The following B3GAT2 variants were observed in gnomAD, a reference collection of about 807,000 sequenced individuals.
B3GAT2 encodes the protein beta-1,3-glucuronyltransferase 2.
B3GAT2 carries 26 observed loss-of-function variants against 27.8 expected under a neutral mutation model. That is an observed-to-expected ratio of 0.93 (90% CI 0.68 to 1.30). B3GAT2 has a LOEUF of 1.30. Ranked by LOEUF, B3GAT2 falls within the 50% of genes most tolerant of loss-of-function variation. The pLI is 0.00. For synonymous variants in B3GAT2, 218 were observed against 195.1 expected (o/e 1.12, Z -0.98); for missense variants, 458 against 459.0 (o/e 1.00, Z 0.02).
In B3GAT2 at chr6:70,897,676, T is replaced by A. The variant is rs796869101; in HGVS notation, c.592-3404A>T. 8.8e-3 allele frequency among the ~76,000 whole-genome samples: 1,310 copies of A among 148,522 alleles called. 21 individuals are homozygous for A. Among genetic ancestry groups the A allele is most frequent in the East Asian group, 0.06 (298 of 4,974 alleles). The stretch of plus-strand genomic sequence containing the variant: ...ACTGCTTGAAAAAAAAAAAAATATA[T>A]ATATATATATATATTTGCCTAATTC... On this transcript the variant is annotated intron_variant, in intron 1 of 3. Transcript: ENST00000230053.
At chr6:70,897,128 C>A (rs1001897586) in intron 1 of B3GAT2, among the ~76,000 whole-genome samples, 2 of 151,926 alleles carry the variant, frequency 1.3e-5, no homozygotes, top group Non-Finnish European at 2.9e-5. Flanking sequence ...TAGTGGTATC[C>A]CATTATAGTT....
In B3GAT2 at chr6:70,858,285, A is replaced by ATT; in HGVS notation, c.*3377_*3378insAA. 2.0e-6 allele frequency: 2 copies of ATT among 1,019,704 alleles called. No individual in the cohort carries two copies. The highest frequency in any genetic ancestry group is 2.1e-5 in the South Asian group (1 of 47,898). 63.2% of individuals were successfully genotyped at this position (1,019,704 alleles called of 1,614,324 possible). A position where few individuals can be genotyped will look rare whatever the true frequency, so the allele number is the denominator to read the frequency against. ...AAATCAAACCAGATTTATTTTCTAAATCTTTTTTTTTTTTTTTTTTTTTTT... is the reference window on the plus strand; with the variant it reads ...AAATCAAACCAGATTTATTTTCTAAATTTCTTTTTTTTTTTTTTTTTTTTTTT... On this transcript the variant is annotated 3_prime_UTR_variant, in exon 4 of 4. Transcript: ENST00000230053.
intron 1 of B3GAT2, among the ~76,000 whole-genome samples, chr6:70,951,780 C>T (rs1178142108): frequency 6.6e-6 from 1 of 152,050 alleles, no homozygotes; most frequent in Non-Finnish European, 1.5e-5. Context: ...AAAATTCTCA[C>T]ATTTTATCAG....
At chr6:70,881,107 A>T (rs1041691194) in intron 2 of B3GAT2, among the ~76,000 whole-genome samples, 1 of 152,076 alleles carries the variant, frequency 6.6e-6, no homozygotes, top group Non-Finnish European at 1.5e-5. Flanking sequence ...GAATTCCTGG[A>T]GGATTCTTCC....
At chr6:70,882,388 C>A (rs1261810578) in intron 2 of B3GAT2, among the ~76,000 whole-genome samples, 2 of 152,132 alleles carry the variant, frequency 1.3e-5, no homozygotes, top group African/African-American at 4.8e-5. Flanking sequence ...GTAGTCCCAG[C>A]TACTCAGGAG....
rs1441764337 is a variant in B3GAT2, at chr6:70,955,947, G to A, written c.483C>T (p.Asn161=). ...PGLPRATEQR[N]AGLAWLRQRH... is the part of the protein sequence containing the mutation. Reference sequence around the variant, plus strand: ...TCTGGCGCAGCCAGGCGAGGCCCGCGTTGCGCTGCTCAGTGGCGCGCGGCA... The same window carrying A: ...TCTGGCGCAGCCAGGCGAGGCCCGCATTGCGCTGCTCAGTGGCGCGCGGCA... Residue 161 remains asparagine (N), a synonymous_variant, in exon 1 of 4, where the codon AAC becomes AAT. Coordinates refer to ENST00000230053, the MANE Select transcript of B3GAT2 (RefSeq NM_080742.3). 2 of 1,572,540 alleles carry A rather than the reference G, an allele frequency of 1.3e-6. No individual in the cohort carries two copies. Among genetic ancestry groups the A allele is most frequent in the Admixed American group, 1.8e-5 (1 of 54,808 alleles).
At chr6:70,898,866 GGC>G (rs1289607867) in intron 1 of B3GAT2, among the ~76,000 whole-genome samples, 1 of 152,150 alleles carries the variant, frequency 6.6e-6, no homozygotes, top group East Asian at 1.9e-4. Flanking sequence ...GGGAGGCTGA[GGC>G]GGGAGGATTG....
chr6:70,878,477 C>T (rs993351727), intron 2 of B3GAT2, among the ~76,000 whole-genome samples: 2 of 152,186 alleles, frequency 1.3e-5, no homozygotes, highest in Non-Finnish European at 2.9e-5. Context: ...CACTCCTGCT[C>T]TTTTGTTGTC....
intron 2 of B3GAT2, among the ~76,000 whole-genome samples, chr6:70,892,328 G>A (rs1772303439): frequency 6.6e-6 from 1 of 152,058 alleles, no homozygotes; most frequent in South Asian, 2.1e-4. Flanking sequence ...AAATTCTAGG[G>A]GAACCAATGC....
Position 70,860,333 on chromosome 6 carries a change from G to T in B3GAT2, c.*1330C>A. On this transcript the variant is annotated 3_prime_UTR_variant, in exon 4 of 4. Coordinates refer to ENST00000230053, the MANE Select transcript of B3GAT2 (RefSeq NM_080742.3). ...ACTCTCAGCACACAACTGTGGAAAT[G>T]AAAACTGCAATACAAGTTTCATCCA... 1 of 1,604,722 alleles carries T rather than the reference G, an allele frequency of 6.2e-7. No homozygotes were observed.
chr6:70,919,057 C>T (rs1187418196), intron 1 of B3GAT2, among the ~76,000 whole-genome samples: 2 of 152,188 alleles, frequency 1.3e-5, no homozygotes, highest in Admixed American at 6.5e-5. Context: ...TTGGTCTTTT[C>T]ACATAGTCCC....
chr6:70,930,814 C>T (rs2150045753), intron 1 of B3GAT2, among the ~76,000 whole-genome samples: 1 of 152,238 alleles, frequency 6.6e-6, no homozygotes, highest in South Asian at 2.1e-4. Context: ...TACCATTTGA[C>T]CCAGCCATCC....
At chr6:70,953,431 GC>G (rs1203040602) in intron 1 of B3GAT2, among the ~76,000 whole-genome samples, 1 of 152,166 alleles carries the variant, frequency 6.6e-6, no homozygotes, top group African/African-American at 2.4e-5. Flanking sequence ...AATAATGTTT[GC>G]CATGCATGGA....
intron 1 of B3GAT2, among the ~76,000 whole-genome samples, chr6:70,898,520 T>C (rs1458002016): frequency 6.6e-6 from 1 of 152,192 alleles, no homozygotes; most frequent in Non-Finnish European, 1.5e-5. Flanking sequence ...TTAAACCTAA[T>C]ACATACTTTT....
chr6:70,902,200 A>G (rs1435729333), intron 1 of B3GAT2, among the ~76,000 whole-genome samples: 2 of 152,192 alleles, frequency 1.3e-5, no homozygotes, highest in Admixed American at 1.3e-4. Flanking sequence ...GATAAATGGA[A>G]GAGACTAGAG....
chr6:70,912,783 T>C (rs1741826), intron 1 of B3GAT2, among the ~76,000 whole-genome samples: 116,451 of 152,030 alleles, frequency 0.77, 45,577 homozygotes, highest in African/African-American at 0.93. Context: ...AGAATTTGGT[T>C]GTGGATCCAT....
In B3GAT2 at chr6:70,956,093, A is replaced by G. The variant is rs762810318; in HGVS notation, c.337T>C (p.Trp113Arg). ...NTFRQVAQLH[W>R]ILVEDAAARS... ...GCCGCCGCGTCCTCCACCAGGATCC[A>G]GTGCAGCTGCGCCACCTGGCGGAAC... The change falls in exon 1 of 4, where the codon TGG (tryptophan) becomes CGG (arginine). Residue 113 changes from tryptophan (W) to arginine (R), a missense_variant. Coordinates refer to ENST00000230053, the MANE Select transcript of B3GAT2 (RefSeq NM_080742.3). 1.3e-6 allele frequency: 2 copies of G among 1,598,596 alleles called. No individual in the cohort carries two copies.
At position 70,860,267 on chromosome 6, in the gene B3GAT2, C is replaced by A. The variant is rs933216810; in HGVS notation, c.*1396G>T. On this transcript the variant is annotated 3_prime_UTR_variant, in exon 4 of 4. Transcript: ENST00000230053. The stretch of plus-strand genomic sequence containing the variant: ...CCTACTGCAGGTTTTGGCCAGCCCT[C>A]CAGCACAACAGCAGGATGGTCTGGA... 3 of 1,613,652 alleles carry A rather than the reference C, an allele frequency of 1.9e-6. No individual in the cohort carries two copies. The highest frequency in any genetic ancestry group is 2.5e-6 in the Non-Finnish European group (3 of 1,179,876).
chr6:70,862,673 C>A (rs532532671), intron 2 of B3GAT2, among the ~76,000 whole-genome samples: 1 of 151,950 alleles, frequency 6.6e-6, no homozygotes, highest in African/African-American at 2.4e-5. Context: ...TTTGGTCATA[C>A]GAAAAATCAT....
Sources: allele counts gnomAD v4.1 joint callset (sites outside exome capture counted in the v4.1 genomes callset), GRCh38; gene constraint gnomAD v4.1.1; transcripts MANE v1.5; gene names NCBI Gene and HGNC (gene_info 2026-07-23, HGNC 2026-07-21).